Variants in RAB10 observed in about 807,000 individuals in gnomAD.
RAB10 encodes the protein RAB10, member RAS oncogene family, also known as ras-related protein Rab-10.
RAB10 carries 5 observed loss-of-function variants against 25.7 expected under a neutral mutation model. That is an observed-to-expected ratio of 0.19 (90% confidence interval 0.10 to 0.41). RAB10 has a LOEUF of 0.41. Among genes scored for constraint, RAB10 ranks in the 10% least tolerant of loss-of-function variants. The pLI is 1.00. For missense variants in RAB10, 103 were observed against 245.8 expected (o/e 0.42, Z 3.89); for synonymous variants, 89 against 86.4 (o/e 1.03, Z -0.16).
At chr2:26,046,956 A>G (rs1466998140) in intron 1 of RAB10, among the ~76,000 whole-genome samples, 1 of 152,204 alleles carries the variant, frequency 6.6e-6, no homozygotes, top group Non-Finnish European at 1.5e-5. Context: ...AGGTAATACA[A>G]AGGGATCTCT....
intron 5 of RAB10, among the ~76,000 whole-genome samples, chr2:26,133,050 AT>A (rs1396403738): frequency 2.6e-5 from 4 of 152,222 alleles, no homozygotes; most frequent in Admixed American, 1.3e-4. Context: ...TTTAACATAC[AT>A]GGAGGAGAAG....
At chr2:26,051,547 C>G (rs562110502) in intron 1 of RAB10, among the ~76,000 whole-genome samples, 2 of 149,046 alleles carry the variant, frequency 1.3e-5, no homozygotes, top group Admixed American at 6.7e-5. Context: ...GTCAAGAGAT[C>G]GAGACCATCC....
chr2:26,088,316 C>T (rs1406184619), intron 1 of RAB10, among the ~76,000 whole-genome samples: 6 of 152,088 alleles, frequency 3.9e-5, no homozygotes, highest in Non-Finnish European at 7.4e-5. Context: ...TCTTGAGCAG[C>T]TAAAAATTGA....
intron 1 of RAB10, among the ~76,000 whole-genome samples, chr2:26,044,098 C>T: frequency 6.6e-6 from 1 of 152,114 alleles, no homozygotes; most frequent in East Asian, 1.9e-4. Flanking sequence ...CACTTAACAC[C>T]TACTGAACTG....
rs546730299 is a variant in RAB10 at position 26,094,352 on chromosome 2, A to C, written c.128-4310A>C. On this transcript the variant is annotated intron_variant, in intron 1 of 5. Coordinates refer to ENST00000264710, the MANE Select transcript of RAB10 (RefSeq NM_016131.5). Reference sequence around the variant, plus strand: ...CTGCAACCTCCACCTCCCGGGTTCAAGCAATTCCCCTATCTCAGCCTCCCA... The same window carrying C: ...CTGCAACCTCCACCTCCCGGGTTCACGCAATTCCCCTATCTCAGCCTCCCA... Among the ~76,000 whole-genome samples, 62 of 151,616 alleles carry C rather than the reference A, an allele frequency of 4.1e-4. 1 individual carries two copies. The South Asian group carries it at 0.012, about 30-fold the overall frequency.
intron 1 of RAB10, among the ~76,000 whole-genome samples, chr2:26,046,864 A>G (rs549648938): frequency 6.6e-6 from 1 of 152,230 alleles, no homozygotes; most frequent in Non-Finnish European, 1.5e-5. Context: ...TTTCTTTCGT[A>G]TAATTAGCAA....
At chr2:26,094,298 C>T (rs1667165024) in intron 1 of RAB10, among the ~76,000 whole-genome samples, 1 of 152,098 alleles carries the variant, frequency 6.6e-6, no homozygotes, top group African/African-American at 2.4e-5. Flanking sequence ...GTCACCCAGG[C>T]TGGAGTGCAG....
intron 1 of RAB10, among the ~76,000 whole-genome samples, chr2:26,078,490 G>A (rs1208603477): frequency 6.6e-6 from 1 of 152,144 alleles, no homozygotes; most frequent in East Asian, 1.9e-4. Flanking sequence ...GAATAGAATT[G>A]AGAATCCAGA....
Position 26,034,528 on chromosome 2 carries a change from G to A in RAB10, c.-81G>A. 1.9e-6 allele frequency: 3 copies of A among 1,577,502 alleles called. No individual in the cohort carries two copies. The highest frequency in any genetic ancestry group is 2.6e-6 in the Non-Finnish European group (3 of 1,158,968). On this transcript the variant is annotated 5_prime_UTR_variant, in exon 1 of 6. Coordinates refer to ENST00000264710, the MANE Select transcript of RAB10 (RefSeq NM_016131.5). ...TTCCCCGGTCCTCCGGCCTGAGAACGCCCGAGTGAGGAGTTGGCCGTAGTG... is the reference window on the plus strand; with the variant it reads ...TTCCCCGGTCCTCCGGCCTGAGAACACCCGAGTGAGGAGTTGGCCGTAGTG...
At chr2:26,038,972 C>G (rs1665827029) in intron 1 of RAB10, among the ~76,000 whole-genome samples, 1 of 142,780 alleles carries the variant, frequency 7.0e-6, no homozygotes. Flanking sequence ...CAGTGCCGTT[C>G]AAAAGAAATA....
At chr2:26,057,620 T>TTTCATTCATTCA (rs5741517) in intron 1 of RAB10, among the ~76,000 whole-genome samples, 148 of 149,194 alleles carry the variant, frequency 9.9e-4, no homozygotes, top group African/African-American at 2.7e-3. Flanking sequence ...GGCAAGTTTC[T>TTTCATTCATTCA]TTCATTCATT....
intron 1 of RAB10, among the ~76,000 whole-genome samples, chr2:26,091,941 G>A (rs2149277790): frequency 6.6e-6 from 1 of 152,242 alleles, no homozygotes; most frequent in South Asian, 2.1e-4. Flanking sequence ...GGAGGCCAAG[G>A]TGAGTGGATC....
chr2:26,052,980 G>A (rs1357108922), intron 1 of RAB10, among the ~76,000 whole-genome samples: 1 of 152,162 alleles, frequency 6.6e-6, no homozygotes, highest in Non-Finnish European at 1.5e-5. Context: ...GGGCCTTGAA[G>A]TTGTAAGCTT....
chr2:26,045,755 G>A (rs1379268452), intron 1 of RAB10, among the ~76,000 whole-genome samples: 1 of 152,126 alleles, frequency 6.6e-6, no homozygotes, highest in Non-Finnish European at 1.5e-5. Flanking sequence ...TTTGATTTTT[G>A]TAGAGACAGG....
intron 2 of RAB10, among the ~76,000 whole-genome samples, chr2:26,099,129 T>C (rs1260069451): frequency 1.3e-5 from 2 of 152,240 alleles, no homozygotes; most frequent in Admixed American, 6.5e-5. Context: ...TGTGTTAGGT[T>C]TGCCTGAAGA....
intron 1 of RAB10, among the ~76,000 whole-genome samples, chr2:26,083,280 CA>C (rs1205443647): frequency 6.6e-6 from 1 of 151,990 alleles, no homozygotes; most frequent in Non-Finnish European, 1.5e-5. Flanking sequence ...CTACCTTCTC[CA>C]CAAAAAAAGA....
chr2:26,101,914 C>G (rs1667349071), intron 2 of RAB10: 1 of 152,328 alleles, frequency 6.6e-6, no homozygotes, highest in South Asian at 2.1e-4. Context: ...TCTCAGACTC[C>G]TTGATGGGCG....
intron 3 of RAB10, among the ~76,000 whole-genome samples, chr2:26,114,188 A>T (rs1667635878): frequency 6.6e-6 from 1 of 152,206 alleles, no homozygotes; most frequent in Non-Finnish European, 1.5e-5. Flanking sequence ...ATCCCTATCA[A>T]AATCCCAATT....
At chr2:26,055,726 T>C (rs547312044) in intron 1 of RAB10, among the ~76,000 whole-genome samples, 1 of 152,052 alleles carries the variant, frequency 6.6e-6, no homozygotes, top group Non-Finnish European at 1.5e-5. Flanking sequence ...GGTTTTGCAG[T>C]GTTGGCCAGG....
Sources: allele counts gnomAD v4.1 joint callset (sites outside exome capture counted in the v4.1 genomes callset), GRCh38; gene constraint gnomAD v4.1.1; transcripts MANE v1.5; gene names NCBI Gene and HGNC (gene_info 2026-07-23, HGNC 2026-07-21).